SLC44A5: variants seen among roughly 807,000 people sequenced by gnomAD.
The protein encoded by SLC44A5 is choline transporter-like protein 5.
In SLC44A5, 57 loss-of-function variants were observed where a neutral mutation model predicts 101.8. That is an observed-to-expected ratio of 0.56 (90% CI 0.45 to 0.70). The LOEUF is 0.70. Ranked by LOEUF, SLC44A5 falls within the 30% of genes least tolerant of loss-of-function variation. SLC44A5 has a pLI of 0.00. For synonymous variants in SLC44A5, 281 were observed against 290.9 expected, an observed-to-expected ratio of 0.97 and a Z score of 0.35; for missense variants, 737 against 853.1, an observed-to-expected ratio of 0.86 and a Z score of 1.70.
intron 4 of SLC44A5, among the ~76,000 whole-genome samples, chr1:75,326,137 T>C (rs527532759): frequency 1.1e-4 from 17 of 150,666 alleles, no homozygotes; most frequent in Non-Finnish European, 2.2e-4. Context: ...TAATATTTTA[T>C]ATACATATAA....
intron 2 of SLC44A5, among the ~76,000 whole-genome samples, chr1:75,421,796 A>G (rs565072541): frequency 6.6e-6 from 1 of 152,300 alleles, no homozygotes; most frequent in East Asian, 1.9e-4. Context: ...ATACAAACTT[A>G]CAATTCATAA....
chr1:75,512,609 CTAA>C (rs1403604101), intron 2 of SLC44A5, among the ~76,000 whole-genome samples: 1 of 152,104 alleles, frequency 6.6e-6, no homozygotes, highest in Non-Finnish European at 1.5e-5. Flanking sequence ...TCTCATGAAG[CTAA>C]TGAGAGAGAC....
chr1:75,635,888 C>T, the SLC44A5 span, among the ~76,000 whole-genome samples: 2 of 151,812 alleles, frequency 1.3e-5, no homozygotes, highest in Non-Finnish European at 2.9e-5. Flanking sequence ...TGAAACTTAA[C>T]TTTGGGGAGG....
the SLC44A5 span, among the ~76,000 whole-genome samples, chr1:75,712,109 A>G: frequency 4.6e-5 from 7 of 152,208 alleles, no homozygotes; most frequent in African/African-American, 1.7e-4. Flanking sequence ...AGACCTAGGA[A>G]ATCCTACTCT....
At chr1:75,463,670 A>G (rs116501213) in intron 2 of SLC44A5, among the ~76,000 whole-genome samples, 2,628 of 152,264 alleles carry the variant, frequency 0.017, 34 homozygotes, top group Non-Finnish European at 0.028. Flanking sequence ...AAGCTGAGGG[A>G]TTTCATCAAT....
intron 5 of SLC44A5, among the ~76,000 whole-genome samples, chr1:75,296,265 G>A (rs972710671): frequency 6.6e-6 from 1 of 151,972 alleles, no homozygotes; most frequent in South Asian, 2.1e-4. Flanking sequence ...GTATTCAAGG[G>A]GAAAGGATTG....
chr1:75,372,991 T>C (rs189500655), intron 3 of SLC44A5, among the ~76,000 whole-genome samples: 5 of 152,264 alleles, frequency 3.3e-5, no homozygotes, highest in Admixed American at 2.6e-4. Context: ...CTTCAAAAAA[T>C]GTAAGAACTC....
intron 3 of SLC44A5, among the ~76,000 whole-genome samples, chr1:75,353,417 C>T (rs1249837): frequency 0.31 from 46,878 of 151,954 alleles, 7,891 homozygotes; most frequent in Non-Finnish European, 0.39. Context: ...CATCCCTACT[C>T]GAATTTAAGA....
At chr1:75,672,235 T>TC in the SLC44A5 span, among the ~76,000 whole-genome samples, 1 of 152,022 alleles carries the variant, frequency 6.6e-6, no homozygotes, top group African/African-American at 2.4e-5. Flanking sequence ...ATGCCACCCT[T>TC]CCCCCATCCC....
chr1:75,469,728 G>A (rs1366109584), intron 2 of SLC44A5, among the ~76,000 whole-genome samples: 1 of 151,894 alleles, frequency 6.6e-6, no homozygotes, highest in Admixed American at 6.6e-5. Context: ...ATAGCAAGAC[G>A]CTGTCTGAAC....
chr1:75,682,987 C>CA, the SLC44A5 span, among the ~76,000 whole-genome samples: 2 of 151,930 alleles, frequency 1.3e-5, no homozygotes, highest in South Asian at 2.1e-4. Flanking sequence ...TTTATGCAGC[C>CA]AAAAAACACA....
In SLC44A5 at chr1:75,593,618, AATGTGGGAC is replaced by A. The variant is rs753242633; in HGVS notation, c.-70+17413_-70+17421del. On this transcript the variant is annotated intron_variant, in intron 1 of 23. Coordinates refer to ENST00000370859, the MANE Select transcript of SLC44A5 (RefSeq NM_001130058.2). ...CATCAACACATGAATAGATAAAGAA[AATGTGGGAC>A]ATATACACAATGGAGTACTATTCAG... Among the ~76,000 whole-genome samples the A allele has an allele frequency of 4.4e-4, 67 of 152,238 alleles. No homozygotes were observed. The Middle Eastern group carries it at 0.014, about 31-fold the overall frequency.
chr1:75,211,341 G>A, intron 23 of SLC44A5, 127 bp downstream of exon 23: 1 of 628,668 alleles, frequency 1.6e-6, no homozygotes, highest in African/African-American at 1.9e-5. Context: ...TCTCTTTCCA[G>A]ATAAACACGT....
intron 7 of SLC44A5, among the ~76,000 whole-genome samples, chr1:75,249,419 G>A: frequency 6.6e-6 from 1 of 152,078 alleles, no homozygotes; most frequent in East Asian, 1.9e-4. Context: ...ACAACTGGAA[G>A]TGAGCTTCAA....
intron 2 of SLC44A5, among the ~76,000 whole-genome samples, chr1:75,460,084 A>C (rs888098469): frequency 1.3e-5 from 2 of 152,190 alleles, no homozygotes; most frequent in Non-Finnish European, 2.9e-5. Context: ...CTATATACAC[A>C]TCGAACATAA....
chr1:75,406,035 C>T (rs969942796), intron 2 of SLC44A5, among the ~76,000 whole-genome samples: 2 of 151,936 alleles, frequency 1.3e-5, no homozygotes, highest in South Asian at 2.1e-4. Flanking sequence ...GGGATATCAC[C>T]ACCGATTCCA....
intron 3 of SLC44A5, among the ~76,000 whole-genome samples, chr1:75,356,095 C>T (rs1055388326): frequency 6.6e-6 from 1 of 151,400 alleles, no homozygotes; most frequent in Non-Finnish European, 1.5e-5. Context: ...CACCTGTAAC[C>T]CCAGCTACTC....
the SLC44A5 span, among the ~76,000 whole-genome samples, chr1:75,657,700 G>A: frequency 1.3e-5 from 2 of 152,000 alleles, no homozygotes; most frequent in African/African-American, 4.8e-5. Flanking sequence ...TAATAATTAA[G>A]GGGTCAATTC....
intron 2 of SLC44A5, among the ~76,000 whole-genome samples, chr1:75,422,173 G>A (rs1664048383): frequency 6.6e-6 from 1 of 152,160 alleles, no homozygotes; most frequent in Non-Finnish European, 1.5e-5. Context: ...AGGCACACAT[G>A]GAAAAGCAAA....
Sources: gnomAD v4.1 joint callset for allele counts (sites outside exome capture counted in the v4.1 genomes callset) on GRCh38, gnomAD v4.1.1 for gene constraint, MANE v1.5 for transcripts, NCBI Gene and HGNC (gene_info 2026-07-23, HGNC 2026-07-21) for gene names.